LDHAL6A: variants seen among roughly 807,000 people sequenced by gnomAD.
LDHAL6A encodes the protein L-lactate dehydrogenase A-like 6A.
A neutral mutation model predicts 28.2 loss-of-function variants in LDHAL6A; 19 were observed. The observed-to-expected ratio is 0.67, with a 90% CI of 0.47 to 0.99. The LOEUF (loss-of-function observed/expected upper bound fraction) is 0.99. Among genes scored for constraint, LDHAL6A ranks in the 50% least tolerant of loss-of-function variants. The pLI, the probability that LDHAL6A is intolerant of heterozygous loss-of-function variation, is 0.00. For missense variants in LDHAL6A, 372 were observed against 398.6 expected (o/e 0.93, Z 0.57); for synonymous variants, 144 against 134.4 (o/e 1.07, Z -0.49).
Position 18,478,893 on chromosome 11 carries a change from AGATT to A in LDHAL6A, c.*26_*29del, listed in dbSNP as rs776787494. 1.3e-6 allele frequency: 2 copies of A among 1,575,776 alleles called. No individual in the cohort carries two copies. The highest frequency in any genetic ancestry group is 1.7e-6 in the Non-Finnish European group (2 of 1,158,338). ...TAAAGTTGCTTAAAGCTAATTCTGT[AGATT>A]GAAGATGAAATAGTAGTTATGGAAT... On this transcript the variant is annotated 3_prime_UTR_variant, in exon 7 of 7. Coordinates refer to ENST00000280706, the MANE Select transcript of LDHAL6A (RefSeq NM_144972.5).
chr11:18,477,793 G>T (rs957747492), intron 6 of LDHAL6A, 50 bp downstream of exon 6: 3 of 1,534,918 alleles, frequency 2.0e-6, no homozygotes, highest in East Asian at 4.7e-5. Context: ...AAATAGGGGG[G>T]TAAAGAACAT....
chr11:18,477,452 TAAAAAA>T (rs112745078), intron 5 of LDHAL6A, among the ~76,000 whole-genome samples, 162 bp from the exon 6 acceptor site: 1 of 144,350 alleles, frequency 6.9e-6, no homozygotes, highest in Non-Finnish European at 1.5e-5. Context: ...GAGCAAGACT[TAAAAAA>T]AAAAAAGAAG....
At chr11:18,467,046 G>A (rs1849091552) in intron 3 of LDHAL6A, among the ~76,000 whole-genome samples, 1 of 152,152 alleles carries the variant, frequency 6.6e-6, no homozygotes, top group Admixed American at 6.6e-5. Context: ...GTTACATATA[G>A]AGGGGAAAAA....
chr11:18,459,412 T>C (rs934268343), intron 1 of LDHAL6A, among the ~76,000 whole-genome samples: 7 of 152,218 alleles, frequency 4.6e-5, no homozygotes, highest in Non-Finnish European at 1.0e-4. Context: ...GGCCTTTGGC[T>C]ACAGACTGAA....
At chr11:18,457,463 C>T (rs1848788672) in intron 1 of LDHAL6A, among the ~76,000 whole-genome samples, 1 of 147,134 alleles carries the variant, frequency 6.8e-6, no homozygotes, top group Admixed American at 6.9e-5. Context: ...AATGTTTTAG[C>T]CATCTTTTAT....
At chr11:18,464,977 G>GTTTGTTTTTTTTTTTTTTTT (rs1849013732) in intron 2 of LDHAL6A, among the ~76,000 whole-genome samples, 1 of 125,558 alleles carries the variant, frequency 8.0e-6, no homozygotes, top group African/African-American at 3.4e-5. Context: ...TGTTTTTTTT[G>GTTTGTTTTTTTTTTTTTTTT]TTTTTTTTTG....
chr11:18,467,594 C>T (rs1241571072), intron 3 of LDHAL6A, among the ~76,000 whole-genome samples: 2 of 151,778 alleles, frequency 1.3e-5, no homozygotes, highest in African/African-American at 2.4e-5. Flanking sequence ...CGTGGTGGCT[C>T]ACACCTGGAA....
chr11:18,465,497 A>T (rs1178650874), intron 2 of LDHAL6A, 140 bp from the exon 3 acceptor site: 9 of 482,436 alleles, frequency 1.9e-5, no homozygotes, highest in Non-Finnish European at 2.8e-5. Flanking sequence ...TGAAATTAAA[A>T]AGTAGTCTAG....
intron 5 of LDHAL6A, among the ~76,000 whole-genome samples, chr11:18,476,945 G>A (rs1457922911): frequency 6.6e-6 from 1 of 152,048 alleles, no homozygotes; most frequent in African/African-American, 2.4e-5. Flanking sequence ...TATGACACCA[G>A]CCTGGGCAAC....
chr11:18,464,873 TCA>T (rs1849007290), intron 2 of LDHAL6A, among the ~76,000 whole-genome samples: 1 of 152,152 alleles, frequency 6.6e-6, no homozygotes. Flanking sequence ...AAAGGTCTGT[TCA>T]CACCACATCT....
At chr11:18,463,319 C>T (rs1012172117) in intron 1 of LDHAL6A, among the ~76,000 whole-genome samples, 1 of 152,230 alleles carries the variant, frequency 6.6e-6, no homozygotes, top group East Asian at 1.9e-4. Flanking sequence ...GCAATCGCAG[C>T]CTCCTTGCCA....
chr11:18,457,981 A>T (rs888991682), intron 1 of LDHAL6A, among the ~76,000 whole-genome samples: 23 of 152,240 alleles, frequency 1.5e-4, no homozygotes, highest in African/African-American at 2.4e-5. Flanking sequence ...ATAGATAAGT[A>T]TACAGGTAAT....
chr11:18,462,005 G>T (rs1412316588), intron 1 of LDHAL6A, among the ~76,000 whole-genome samples: 1 of 150,476 alleles, frequency 6.6e-6, no homozygotes, highest in African/African-American at 2.4e-5. Context: ...ACAAAAATTA[G>T]CCAGATGTGG....
intron 3 of LDHAL6A, chr11:18,469,340 T>C: frequency 2.3e-6 from 1 of 425,812 alleles, no homozygotes. Context: ...TGATAACAAA[T>C]TAGGAAAAAC....
At chr11:18,463,819 A>G (rs982756591) in intron 1 of LDHAL6A, 142 bp from the exon 2 acceptor site, 13 of 595,402 alleles carry the variant, frequency 2.2e-5, no homozygotes, top group Non-Finnish European at 3.6e-5. Flanking sequence ...TATCATGACA[A>G]AATGATGAGA....
rs1297634223 is a variant in LDHAL6A at position 18,464,997 on chromosome 11, G to GTTTTTTTT, written c.245-636_245-635insTTTTTTTT. Among the ~76,000 whole-genome samples the GTTTTTTTT allele has an allele frequency of 9.3e-4, 114 of 122,940 alleles. 7 individuals are homozygous for GTTTTTTTT. The highest frequency in any genetic ancestry group is 2.5e-3 in the African/African-American group (77 of 30,886). 80.7% of individuals were successfully genotyped at this position (122,940 alleles called of 152,430 possible). A position where few individuals can be genotyped will look rare whatever the true frequency, so the allele number is the denominator to read the frequency against. On this transcript the variant is annotated intron_variant, in intron 2 of 6. Transcript: ENST00000280706. ...TTTTTGTTTTTTTTTGTTTTGTTTTGTTTTGGTTTGTTTTTGAGACAGTGT... is the reference window on the plus strand; with the variant it reads ...TTTTTGTTTTTTTTTGTTTTGTTTTGTTTTTTTTTTTTGGTTTGTTTTTGAGACAGTGT...
rs1040450552 is a variant in LDHAL6A, at chr11:18,475,723, G to A, written c.592+84G>A. 4 of 1,191,890 alleles carry A rather than the reference G, an allele frequency of 3.4e-6. No individual in the cohort carries two copies. The African/African-American group carries it at 4.7e-5, about 14-fold the overall frequency. 73.8% of individuals were successfully genotyped at this position (1,191,890 alleles called of 1,614,324 possible). The stretch of plus-strand genomic sequence containing the variant: ...ATTTAATGTAAAGTAGCTCCTGGGA[G>A]GGGAGAAAAGACTTTATTCCACTTT... On this transcript the variant is annotated intron_variant, in intron 4 of 6. Coordinates refer to ENST00000280706, the MANE Select transcript of LDHAL6A (RefSeq NM_144972.5).
intron 3 of LDHAL6A, among the ~76,000 whole-genome samples, chr11:18,467,970 T>TATATATAC (rs1849141029): frequency 2.6e-5 from 1 of 38,126 alleles, no homozygotes; most frequent in Non-Finnish European, 4.2e-5. Context: ...TATATATACG[T>TATATATAC]ATATATATAC....
At chr11:18,464,979 T>TTG (rs1565068689) in intron 2 of LDHAL6A, among the ~76,000 whole-genome samples, 18 of 129,168 alleles carry the variant, frequency 1.4e-4, no homozygotes, top group African/African-American at 5.6e-4. Flanking sequence ...TTTTTTTTGT[T>TTG]TTTTTTTGTT....
Sources: allele counts gnomAD v4.1 joint callset (sites outside exome capture counted in the v4.1 genomes callset), GRCh38; gene constraint gnomAD v4.1.1; transcripts MANE v1.5; gene names NCBI Gene and HGNC (gene_info 2026-07-23, HGNC 2026-07-21).